CTNNAL1: variants seen among roughly 807,000 people sequenced by gnomAD.
CTNNAL1 encodes the protein catenin alpha like 1, also known as alpha-catulin.
CTNNAL1 carries 69 observed loss-of-function variants against 93.6 expected under a neutral mutation model. That is an observed-to-expected ratio of 0.74 (90% CI 0.61 to 0.90). The LOEUF is 0.90. Among genes scored for constraint, CTNNAL1 ranks in the 40% least tolerant of loss-of-function variants. CTNNAL1 has a pLI of 0.00. For missense variants in CTNNAL1, 836 were observed against 862.0 expected, an observed-to-expected ratio of 0.97 and a Z score of 0.38; for synonymous variants, 286 against 305.4, an observed-to-expected ratio of 0.94 and a Z score of 0.66.
intron 11 of CTNNAL1, among the ~76,000 whole-genome samples, chr9:108,958,712 T>A (rs1202353315): frequency 6.6e-6 from 1 of 151,818 alleles, no homozygotes; most frequent in Non-Finnish European, 1.5e-5. Context: ...CCAATTTTTT[T>A]ATAGATGTTA....
intron 14 of CTNNAL1, chr9:108,950,598 C>T: frequency 6.5e-7 from 1 of 1,549,798 alleles, no homozygotes; most frequent in Non-Finnish European, 8.7e-7. Flanking sequence ...TCTTAATCCT[C>T]CTTCTATAGG....
At chr9:109,007,716 A>G (rs897568868) in intron 1 of CTNNAL1, among the ~76,000 whole-genome samples, 4 of 152,186 alleles carry the variant, frequency 2.6e-5, no homozygotes, top group Non-Finnish European at 5.9e-5. Context: ...ATATGTGTGG[A>G]GTTTAAAGAA....
chr9:109,002,047 C>T (rs185594843), intron 1 of CTNNAL1, among the ~76,000 whole-genome samples: 210 of 152,288 alleles, frequency 1.4e-3, no homozygotes, highest in Non-Finnish European at 1.4e-3. Flanking sequence ...GTCAAAGAAA[C>T]TTTGCAAAAG....
intron 4 of CTNNAL1, among the ~76,000 whole-genome samples, chr9:108,988,993 T>G (rs1169737607): frequency 6.6e-6 from 1 of 152,170 alleles, no homozygotes; most frequent in Non-Finnish European, 1.5e-5. Flanking sequence ...CAAACACAGA[T>G]GATAAAAAGG....
At chr9:108,951,159 C>T (rs1479888851) in intron 14 of CTNNAL1, among the ~76,000 whole-genome samples, 3 of 151,680 alleles carry the variant, frequency 2.0e-5, no homozygotes, top group African/African-American at 4.8e-5. Flanking sequence ...TACAGGCGCC[C>T]GCCACCACGC....
At chr9:109,002,422 T>TA (rs960697089) in intron 1 of CTNNAL1, among the ~76,000 whole-genome samples, 11 of 152,132 alleles carry the variant, frequency 7.2e-5, no homozygotes, top group African/African-American at 2.4e-4. Flanking sequence ...AAGCGACGGG[T>TA]AAAAGCTTAA....
intron 3 of CTNNAL1, chr9:108,992,134 A>T: frequency 1.4e-6 from 1 of 719,422 alleles, no homozygotes; most frequent in Admixed American, 2.0e-5. Flanking sequence ...TCTGCTACAT[A>T]CATTATCATA....
At chr9:108,976,357 T>G (rs570020043) in intron 8 of CTNNAL1, among the ~76,000 whole-genome samples, 1 of 152,310 alleles carries the variant, frequency 6.6e-6, no homozygotes, top group African/African-American at 2.4e-5. Context: ...TATTACTGAA[T>G]AGTATTTGGT....
intron 1 of CTNNAL1, among the ~76,000 whole-genome samples, chr9:109,010,186 C>T (rs1039896488): frequency 6.6e-6 from 1 of 152,100 alleles, no homozygotes; most frequent in Admixed American, 6.5e-5. Flanking sequence ...ATTACAGGCA[C>T]CAGCCAGTGC....
chr9:109,006,736 T>C (rs1433903218), intron 1 of CTNNAL1, among the ~76,000 whole-genome samples: 1 of 152,170 alleles, frequency 6.6e-6, no homozygotes, highest in Non-Finnish European at 1.5e-5. Context: ...AGAATAAGAA[T>C]TAGGGTTTAC....
At chr9:109,013,145 CGTCCCGGA>C (rs1011300724) in intron 1 of CTNNAL1, among the ~76,000 whole-genome samples, 149 bp downstream of exon 1, 3 of 152,262 alleles carry the variant, frequency 2.0e-5, no homozygotes, top group Middle Eastern at 3.4e-3. Context: ...GGCCGAGGCC[CGTCCCGGA>C]GCCCCACACA....
intron 9 of CTNNAL1, among the ~76,000 whole-genome samples, chr9:108,971,769 T>C (rs1260191259): frequency 6.6e-6 from 1 of 152,192 alleles, no homozygotes; most frequent in Non-Finnish European, 1.5e-5. Context: ...AGTTGGGTTT[T>C]TTTTCTAGTA....
chr9:108,972,853 T>A lies in CTNNAL1; in HGVS notation c.1189-20A>T, dbSNP rs1028422360. 4 of 56,052 alleles carry A rather than the reference T, an allele frequency of 7.1e-5. No homozygotes were observed. Among genetic ancestry groups the A allele is most frequent in the Non-Finnish European group, 1.0e-4 (4 of 39,208 alleles). The allele number at this position is 56,052 out of a possible 1,614,324, so 3.5% of individuals were successfully genotyped here. Reference sequence around the variant, plus strand: ...ATGAAGCTGCAGATGTGTGTGTGGGTGGGGGGGTGGGAGGGTGGAGAAGGA... The same window carrying A: ...ATGAAGCTGCAGATGTGTGTGTGGGAGGGGGGGTGGGAGGGTGGAGAAGGA... On this transcript the variant is annotated intron_variant, in intron 8 of 18. Transcript: ENST00000325551.
intron 4 of CTNNAL1, among the ~76,000 whole-genome samples, chr9:108,986,346 A>G (rs1165929123): frequency 4.7e-5 from 7 of 149,226 alleles, no homozygotes. Flanking sequence ...GTCCCTACAA[A>G]GGACATGAAC....
At chr9:108,962,579 G>C (rs1360640691) in intron 11 of CTNNAL1, among the ~76,000 whole-genome samples, 2 of 152,192 alleles carry the variant, frequency 1.3e-5, no homozygotes, top group Non-Finnish European at 1.5e-5. Context: ...TGCAGATCTA[G>C]AGGTTTTCTA....
At chr9:108,955,272 C>T (rs1228806183) in intron 12 of CTNNAL1, among the ~76,000 whole-genome samples, 2 of 152,200 alleles carry the variant, frequency 1.3e-5, no homozygotes, top group Non-Finnish European at 1.5e-5. Context: ...AGGCATAAGA[C>T]ACCGTGCCCA....
intron 1 of CTNNAL1, among the ~76,000 whole-genome samples, chr9:109,011,646 A>T (rs1366637687): frequency 6.6e-6 from 1 of 152,230 alleles, no homozygotes; most frequent in Admixed American, 6.5e-5. Flanking sequence ...GAGAGGACAC[A>T]GCATAGTGTA....
chr9:108,990,633 G>A (rs889160850), intron 4 of CTNNAL1, 93 bp downstream of exon 4: 3 of 1,446,408 alleles, frequency 2.1e-6, no homozygotes, highest in African/African-American at 2.9e-5. Context: ...AATAAGCAAA[G>A]AAACCAGTCC....
intron 14 of CTNNAL1, 140 bp downstream of exon 14, chr9:108,952,069 T>C: frequency 1.6e-6 from 1 of 644,870 alleles, no homozygotes; most frequent in Non-Finnish European, 2.5e-6. Flanking sequence ...CTTACGTAAA[T>C]TGTCATAGTA....
Sources: gnomAD v4.1 joint callset for allele counts (sites outside exome capture counted in the v4.1 genomes callset) on GRCh38, gnomAD v4.1.1 for gene constraint, MANE v1.5 for transcripts, NCBI Gene and HGNC (gene_info 2026-07-23, HGNC 2026-07-21) for gene names.